The following ZNF717 variants were observed in gnomAD, a reference collection of about 807,000 sequenced individuals.
The protein encoded by ZNF717 is zinc finger protein 717, also known as krueppel-like factor X17.
A neutral mutation model predicts 13.8 loss-of-function variants in ZNF717; 9 were observed. That is an observed-to-expected ratio of 0.65 (90% confidence interval 0.39 to 1.14). The LOEUF (loss-of-function observed/expected upper bound fraction) is 1.14. Among genes scored for constraint, ZNF717 ranks in the 50% most tolerant of loss-of-function variants. The pLI, the probability that ZNF717 is intolerant of heterozygous loss-of-function variation, is 0.01. For missense variants in ZNF717, 1,040 were observed against 1,080.7 expected, an observed-to-expected ratio of 0.96 and a Z score of 0.53; for synonymous variants, 327 against 364.1, an observed-to-expected ratio of 0.90 and a Z score of 1.16.
chr3:75,761,147 A>G (rs1402133583), intron 2 of ZNF717, among the ~76,000 whole-genome samples: 1 of 152,256 alleles, frequency 6.6e-6, no homozygotes, highest in African/African-American at 2.4e-5. Flanking sequence ...CAGTAATCAA[A>G]AACCCCCCAA....
chr3:75,714,932 A>T (rs1938016136), intron 5 of ZNF717, among the ~76,000 whole-genome samples: 1 of 152,226 alleles, frequency 6.6e-6, no homozygotes, highest in African/African-American at 2.4e-5. Flanking sequence ...GCACAAACAC[A>T]TCTGACCACA....
intron 2 of ZNF717, among the ~76,000 whole-genome samples, chr3:75,764,749 A>T (rs1943295642): frequency 6.6e-6 from 1 of 152,174 alleles, no homozygotes. Context: ...ACCCAACAGA[A>T]AGTAACAAGT....
chr3:75,781,961 C>T (rs1194281781), intron 2 of ZNF717, among the ~76,000 whole-genome samples: 6 of 152,170 alleles, frequency 3.9e-5, no homozygotes, highest in Admixed American at 1.3e-4. Flanking sequence ...CTAGAATCCC[C>T]CCTCCCCTCT....
rs1285027861 is a variant in ZNF717 at position 75,738,936 on chromosome 3, C to G, written c.687G>C (p.Arg229Ser). The G allele has an allele frequency of 1.0e-5, 16 of 1,551,374 alleles. No individual in the cohort carries two copies. The highest frequency in any genetic ancestry group is 1.4e-5 in the African/African-American group (1 of 73,032). The change falls in exon 5 of 5, where the codon AGG (arginine) becomes AGC (serine). Residue 229 changes from arginine (R) to serine (S), a missense_variant. Arg to Ser is a moderately radical substitution (Grantham distance 110). Around this residue, in one of 3 missense-constraint regions of ZNF717, gnomAD observed 873 missense variants for 832.8 expected, o/e 1.05. Coordinates refer to ENST00000652011, the MANE Select transcript of ZNF717 (RefSeq NM_001290208.3). The part of the protein sequence containing the change: ...NTEAMFFIHK[R>S]VHIVQTFGKY... ...TACCAAAGGTCTGTACTATATGAAC[C>G]CTCTTATGTATAAAGAACATTGCCT...
chr3:75,780,130 C>G (rs192195305), intron 2 of ZNF717, among the ~76,000 whole-genome samples: 2 of 146,090 alleles, frequency 1.4e-5, no homozygotes, highest in Admixed American at 6.8e-5. Context: ...ATGGGAGTGA[C>G]GTGCTAAAAC....
chr3:75,733,798 A>AAAAAG (rs1466437540), downstream of ZNF717, among the ~76,000 whole-genome samples: 28 of 118,788 alleles, frequency 2.4e-4, no homozygotes, highest in African/African-American at 6.8e-4. Flanking sequence ...AAAAAAAAAA[A>AAAAAG]AATTACATTC....
chr3:75,757,411 G>T (rs1250632425), intron 2 of ZNF717, among the ~76,000 whole-genome samples: 1 of 152,176 alleles, frequency 6.6e-6, no homozygotes, highest in Non-Finnish European at 1.5e-5. Flanking sequence ...TCTACAAATG[G>T]GAACAAAGCC....
At chr3:75,718,833 G>C (rs1317163853) in intron 4 of ZNF717, among the ~76,000 whole-genome samples, 1 of 152,166 alleles carries the variant, frequency 6.6e-6, no homozygotes, top group African/African-American at 2.4e-5. Flanking sequence ...CTGATGTGCA[G>C]CCCGGTTCCT....
At chr3:75,770,116 C>T (rs1288246173) in intron 2 of ZNF717, among the ~76,000 whole-genome samples, 1 of 152,192 alleles carries the variant, frequency 6.6e-6, no homozygotes, top group African/African-American at 2.4e-5. Flanking sequence ...TGGCCAGATG[C>T]ACAGGTCACA....
chr3:75,783,609 T>C (rs1255082184), intron 1 of ZNF717, among the ~76,000 whole-genome samples: 3 of 152,232 alleles, frequency 2.0e-5, no homozygotes, highest in Admixed American at 1.3e-4. Flanking sequence ...TGAATAAAAA[T>C]ATGTATTACC....
chr3:75,741,494 G>A (rs1940428326), intron 3 of ZNF717, 116 bp downstream of exon 3: 1 of 1,410,512 alleles, frequency 7.1e-7, no homozygotes, highest in African/African-American at 1.4e-5. Context: ...TTAGAGTAGT[G>A]ACACATTTTT....
rs1435964323 is a variant in ZNF717, at chr3:75,751,359, T to C, written c.58-9623A>G. Among the ~76,000 whole-genome samples the C allele has an allele frequency of 1.8e-4, 28 of 151,566 alleles. 1 individual carries two copies. Among genetic ancestry groups the C allele is most frequent in the African/African-American group, 6.8e-4 (28 of 41,134 alleles). On this transcript the variant is annotated intron_variant, in intron 2 of 4. Transcript: ENST00000652011. ...CAGAGCACTGCTAGGAGCATCTGAATGCTTGTCCCTCACATAGGATTCCAG... is the reference window on the plus strand; with the variant it reads ...CAGAGCACTGCTAGGAGCATCTGAACGCTTGTCCCTCACATAGGATTCCAG...
rs576089680 is a variant in ZNF717 at position 75,774,635 on chromosome 3, T to C, written c.57+8671A>G. Among the ~76,000 whole-genome samples, 281 of 111,404 alleles carry C rather than the reference T, an allele frequency of 2.5e-3. 7 individuals are homozygous for C. The East Asian group carries it at 0.06, about 24-fold the overall frequency. 73.1% of individuals were successfully genotyped at this position (111,404 alleles called of 152,430 possible). On this transcript the variant is annotated intron_variant, in intron 2 of 4. Transcript: ENST00000652011. ...GTTTTTTTTTTTTTTTTTTTTTTTT[T>C]TCTGAGACAGAGTCTTGCTCTGTCA...
intron 2 of ZNF717, among the ~76,000 whole-genome samples, chr3:75,751,964 C>T (rs1482737683): frequency 2.0e-5 from 3 of 151,910 alleles, no homozygotes; most frequent in Non-Finnish European, 4.4e-5. Context: ...TTCCAGAACA[C>T]TGTTATGAGG....
chr3:75,762,931 C>T (rs1943154852), intron 2 of ZNF717, among the ~76,000 whole-genome samples: 1 of 152,156 alleles, frequency 6.6e-6, no homozygotes, highest in South Asian at 2.1e-4. Flanking sequence ...ATGCCAAGAC[C>T]ACTCAATGGT....
At chr3:75,700,765 T>C (rs1351261875) in intron 6 of ZNF717, among the ~76,000 whole-genome samples, 2 of 152,284 alleles carry the variant, frequency 1.3e-5, no homozygotes, top group Non-Finnish European at 2.9e-5. Flanking sequence ...GAATCCTATT[T>C]CTTGCCACAT....
intron 2 of ZNF717, among the ~76,000 whole-genome samples, chr3:75,749,652 A>G (rs112639562): frequency 0.024 from 3,609 of 152,228 alleles, 143 homozygotes; most frequent in African/African-American, 0.081. Flanking sequence ...TCCCTCACAT[A>G]GGATTCCAAA....
chr3:75,736,047 A>G lies in ZNF717; in HGVS notation c.*831T>C, dbSNP rs1357027487. On this transcript the variant is annotated 3_prime_UTR_variant, in exon 5 of 5. Coordinates refer to ENST00000652011, the MANE Select transcript of ZNF717 (RefSeq NM_001290208.3). ...ATCTTTCAAAGATTTTAGTTATCAC[A>G]TCTGTTATGATCTGTGATCAGTGAT... is the stretch of plus-strand genomic sequence containing the variant. 1 of 152,044 alleles carries G rather than the reference A, an allele frequency of 6.6e-6. No homozygotes were observed. Among genetic ancestry groups the G allele is most frequent in the Non-Finnish European group, 1.5e-5 (1 of 68,008 alleles). The allele number at this position is 152,044 out of a possible 1,614,324, so 9.4% of individuals were successfully genotyped here.
downstream of ZNF717, among the ~76,000 whole-genome samples, chr3:75,726,338 T>C (rs1442334033): frequency 6.6e-6 from 1 of 152,234 alleles, no homozygotes; most frequent in African/African-American, 2.4e-5. Context: ...AAATATTTAG[T>C]TAGGACAGGC....
Sources: gnomAD v4.1 joint callset for allele counts (sites outside exome capture counted in the v4.1 genomes callset) on GRCh38, gnomAD v4.1.1 for gene constraint, gnomAD v4.1.1 regional missense constraint, MANE v1.5 for transcripts, NCBI Gene and HGNC (gene_info 2026-07-23, HGNC 2026-07-21) for gene names.